Variants in OSBPL9 observed in about 807,000 individuals in gnomAD.
The protein encoded by OSBPL9 is oxysterol binding protein like 9, also known as oxysterol-binding protein-related protein 9.
Under a neutral mutation model 106.6 loss-of-function variants are expected in OSBPL9, and 40 were observed. That is an observed-to-expected ratio of 0.38 (90% CI 0.29 to 0.49). The LOEUF is 0.49. OSBPL9 is among the 20% of genes least tolerant of loss of function. The pLI, the probability that OSBPL9 is intolerant of heterozygous loss-of-function variation, is 0.97. For missense variants in OSBPL9, 609 were observed against 887.2 expected, an observed-to-expected ratio of 0.69 and a Z score of 3.98; for synonymous variants, 269 against 295.4, an observed-to-expected ratio of 0.91 and a Z score of 0.92.
intron 4 of OSBPL9, among the ~76,000 whole-genome samples, chr1:51,734,107 T>C (rs1338922096): frequency 6.6e-6 from 1 of 152,226 alleles, no homozygotes; most frequent in Non-Finnish European, 1.5e-5. Context: ...ATATGTGTCA[T>C]GAATGAATGG....
chr1:51,759,569 A>G (rs1671068706), intron 9 of OSBPL9: 2 of 152,168 alleles, frequency 1.3e-5, no homozygotes, highest in Admixed American at 1.3e-4. Flanking sequence ...AGTTTTCCAG[A>G]TCAATTAAAG....
At chr1:51,736,585 T>G (rs975401129) in intron 4 of OSBPL9, among the ~76,000 whole-genome samples, 2 of 152,200 alleles carry the variant, frequency 1.3e-5, no homozygotes, top group African/African-American at 4.8e-5. Context: ...GCTATAAGAA[T>G]TTTGCAGTTA....
chr1:51,743,453 C>T (rs1247842526), intron 4 of OSBPL9, among the ~76,000 whole-genome samples: 1 of 152,136 alleles, frequency 6.6e-6, no homozygotes, highest in Non-Finnish European at 1.5e-5. Flanking sequence ...CATTCAGTCA[C>T]TGAACAATTT....
chr1:51,647,172 T>TCAAAAGA (rs1432434593), intron 1 of OSBPL9, among the ~76,000 whole-genome samples: 3 of 152,194 alleles, frequency 2.0e-5, no homozygotes, highest in Non-Finnish European at 4.4e-5. Flanking sequence ...TCTGTGTCTT[T>TCAAAAGA]TGAGATGATC....
intron 3 of OSBPL9, among the ~76,000 whole-genome samples, chr1:51,712,450 A>G (rs1451069286): frequency 6.6e-6 from 1 of 152,090 alleles, no homozygotes; most frequent in Non-Finnish European, 1.5e-5. Context: ...AGCTACTTCT[A>G]TATTTTCTAT....
chr1:51,658,613 A>G (rs2148724061), intron 2 of OSBPL9, among the ~76,000 whole-genome samples: 1 of 152,222 alleles, frequency 6.6e-6, no homozygotes, highest in South Asian at 2.1e-4. Context: ...ATTGAATGTG[A>G]TTTCCTGAGA....
At chr1:51,552,983 T>A in the OSBPL9 span, among the ~76,000 whole-genome samples, 1 of 151,790 alleles carries the variant, frequency 6.6e-6, no homozygotes, top group Non-Finnish European at 1.5e-5. Flanking sequence ...AAAAACAAAC[T>A]TTTTTTTGTG....
intron 2 of OSBPL9, among the ~76,000 whole-genome samples, chr1:51,660,932 G>A (rs1364169951): frequency 6.6e-6 from 1 of 152,228 alleles, no homozygotes; most frequent in African/African-American, 2.4e-5. Context: ...TTGGATCAGG[G>A]TTTGCAAGAC....
chr1:51,550,252 G>T, the OSBPL9 span, among the ~76,000 whole-genome samples: 1 of 152,194 alleles, frequency 6.6e-6, no homozygotes, highest in East Asian at 1.9e-4. Context: ...ACAAGAATGT[G>T]CATGATGACA....
chr1:51,628,033 C>G (rs538589549), intron 1 of OSBPL9, among the ~76,000 whole-genome samples: 251 of 151,354 alleles, frequency 1.7e-3, no homozygotes, highest in Non-Finnish European at 3.0e-3. Context: ...TTTTCTACCA[C>G]TGTACTAATG....
Position 51,721,686 on chromosome 1 carries a change from G to T in OSBPL9, c.318+7607G>T, listed in dbSNP as rs1029806019. ...CCATTTTAATTTCTCAGTATATAAG[G>T]ATCGGTTTATCACAACTGTATTGTT... On this transcript the variant is annotated intron_variant, in intron 4 of 23. Transcript: ENST00000428468. 2.6e-5 allele frequency among the ~76,000 whole-genome samples: 4 copies of T among 152,202 alleles called. No homozygotes were observed. In the East Asian group the frequency reaches 5.8e-4, roughly 22 times the overall value.
chr1:51,626,833 A>G (rs778701384), intron 1 of OSBPL9, among the ~76,000 whole-genome samples: 1 of 151,968 alleles, frequency 6.6e-6, no homozygotes, highest in Non-Finnish European at 1.5e-5. Context: ...TTTAATTTTG[A>G]TGATGTCCAG....
At chr1:51,775,504 T>A (rs1674847639) in intron 14 of OSBPL9, among the ~76,000 whole-genome samples, 1 of 152,230 alleles carries the variant, frequency 6.6e-6, no homozygotes, top group African/African-American at 2.4e-5. Context: ...TCCAGGGTGC[T>A]TAGAGCATTC....
At position 51,742,675 on chromosome 1, in the gene OSBPL9, G is replaced by C. The variant is rs376947990; in HGVS notation, c.319-2861G>C. ...TCCCTGAGCTCAGGAGGTTGAGTCT[G>C]CAGTGAGCCCTGATTGTACCACTGC... On this transcript the variant is annotated intron_variant, in intron 4 of 23. Transcript: ENST00000428468. 2.6e-5 allele frequency among the ~76,000 whole-genome samples: 4 copies of C among 152,214 alleles called. No individual in the cohort carries two copies. In the East Asian group the frequency reaches 7.7e-4, roughly 29 times the overall value.
At chr1:51,523,717 GA>G in the OSBPL9 span, among the ~76,000 whole-genome samples, 1 of 152,082 alleles carries the variant, frequency 6.6e-6, no homozygotes, top group South Asian at 2.1e-4. Context: ...CTAAAGAGAA[GA>G]CCTTAAATCA....
At position 51,637,162 on chromosome 1, in the gene OSBPL9, C is replaced by G. The variant is rs1292063867; in HGVS notation, c.112-14829C>G. Among the ~76,000 whole-genome samples the G allele has an allele frequency of 3.9e-5, 6 of 152,170 alleles. No individual in the cohort carries two copies. In the East Asian group the frequency reaches 9.6e-4, roughly 24 times the overall value. On this transcript the variant is annotated intron_variant, in intron 1 of 23. Transcript: ENST00000428468. ...TATCTGTGAGTCTGTGGACAAGTTA[C>G]TCCAACCTTTCTGTCACTGATTCCT...
intron 1 of OSBPL9, among the ~76,000 whole-genome samples, chr1:51,624,726 T>G (rs1317451042): frequency 6.6e-6 from 1 of 152,238 alleles, no homozygotes; most frequent in African/African-American, 2.4e-5. Context: ...CCTTGAATAC[T>G]TTAGACAGTC....
At chr1:51,784,394 CT>C (rs1557874921) in intron 19 of OSBPL9, 47 bp from the exon 20 acceptor site, 5 of 1,612,258 alleles carry the variant, frequency 3.1e-6, no homozygotes, top group East Asian at 2.2e-5. Context: ...CCCCTTCCCC[CT>C]CTTCCTCTTA....
chr1:51,675,151 C>T (rs1650867532), intron 3 of OSBPL9, among the ~76,000 whole-genome samples: 1 of 152,130 alleles, frequency 6.6e-6, no homozygotes, highest in Non-Finnish European at 1.5e-5. Context: ...TTTCTCACGA[C>T]ACATCTCTCA....
Sources: allele counts gnomAD v4.1 joint callset (sites outside exome capture counted in the v4.1 genomes callset), GRCh38; gene constraint gnomAD v4.1.1; transcripts MANE v1.5; gene names NCBI Gene and HGNC (gene_info 2026-07-23, HGNC 2026-07-21).